The following SCRT2 variants were observed in gnomAD, a reference collection of about 807,000 sequenced individuals.
The protein encoded by SCRT2 is scratch family transcriptional repressor 2, also known as transcriptional repressor scratch 2.
In SCRT2, 2 loss-of-function variants were observed where a neutral mutation model predicts 3.7. That is an observed-to-expected ratio of 0.54 (90% CI 0.22 to 1.70). SCRT2 has a LOEUF of 1.70. Ranked by LOEUF, SCRT2 falls within the 40% of genes most tolerant of loss-of-function variation. SCRT2 has a pLI of 0.19. For missense variants in SCRT2, 456 were observed against 468.5 expected (o/e 0.97, Z 0.25); for synonymous variants, 256 against 220.6 (o/e 1.16, Z -1.42).
intron 1 of SCRT2, among the ~76,000 whole-genome samples, chr20:670,797 C>G (rs962622230): frequency 6.6e-6 from 1 of 152,172 alleles, no homozygotes; most frequent in African/African-American, 2.4e-5. Flanking sequence ...AAGCTCAGCT[C>G]AGGACCCTCA....
chr20:671,855 G>A (rs1984343199), intron 1 of SCRT2, among the ~76,000 whole-genome samples: 1 of 152,200 alleles, frequency 6.6e-6, no homozygotes, highest in Non-Finnish European at 1.5e-5. Context: ...GCAGAGGAAG[G>A]GGGGCCTGGC....
In SCRT2 at chr20:663,338, G is replaced by T. The variant is rs956494181; in HGVS notation, c.*333C>A. 3.5e-5 allele frequency: 11 copies of T among 312,638 alleles called. No individual in the cohort carries two copies. The Admixed American group carries it at 4.1e-4, about 12-fold the overall frequency. The allele number at this position is 312,638 out of a possible 1,614,324, so 19.4% of individuals were successfully genotyped here. The stretch of plus-strand genomic sequence containing the variant: ...CTAGAAGTTAGAAGAGCAGCGCGGG[G>T]TCTGGGAGGGAGAAATTTCCGGCTC... On this transcript the variant is annotated 3_prime_UTR_variant, in exon 2 of 2. Transcript: ENST00000246104. This position sits in a 1 kb window ranked among gnomAD's most constrained non-coding sequence, Gnocchi z 6.9.
intron 1 of SCRT2, among the ~76,000 whole-genome samples, chr20:669,266 G>T (rs1016535504): frequency 1.3e-5 from 2 of 152,122 alleles, no homozygotes; most frequent in African/African-American, 2.4e-5. Flanking sequence ...TTGGTGCAAG[G>T]CATCCTGCTA....
Position 675,722 on chromosome 20 carries a change from AG to A in SCRT2, c.-122del. The A allele has an allele frequency of 1.6e-6, 1 of 625,196 alleles. No homozygotes were observed. The highest frequency in any genetic ancestry group is 7.4e-5 in the South Asian group (1 of 13,492). The allele number at this position is 625,196 out of a possible 1,614,324, so 38.7% of individuals were successfully genotyped here. ...GGCTGGAGCGCGGGAGGCCGCTCGG[AG>A]CCGGCACCGGTGGCGGCGGCCCCGG... On this transcript the variant is annotated 5_prime_UTR_variant, in exon 1 of 2. Coordinates refer to ENST00000246104, the MANE Select transcript of SCRT2 (RefSeq NM_033129.4). The surrounding 1 kb of genome is among the most constrained non-coding windows in gnomAD (Gnocchi z 6.9).
chr20:665,058 T>C lies in SCRT2; in HGVS notation c.134-597A>G, dbSNP rs1984113014. ...ACTCTGCCTCGGTGCTTTACGCATG[T>C]TAACTCTAATCGTCACAGACCCAAG... On this transcript the variant is annotated intron_variant, in intron 1 of 1. Transcript: ENST00000246104. The surrounding 1 kb of genome is among the most constrained non-coding windows in gnomAD (Gnocchi z 5.0). 6.6e-6 allele frequency among the ~76,000 whole-genome samples: 1 copy of C among 152,250 alleles called. No homozygotes were observed. The highest frequency in any genetic ancestry group is 1.5e-5 in the Non-Finnish European group (1 of 68,038).
chr20:673,454 A>C (rs951853809), intron 1 of SCRT2, among the ~76,000 whole-genome samples: 4 of 152,212 alleles, frequency 2.6e-5, no homozygotes, highest in Non-Finnish European at 5.9e-5. Context: ...AGCATGTGAG[A>C]GATCTAGAGC....
chr20:664,000 G>C lies in SCRT2; in HGVS notation c.595C>G (p.Pro199Ala). ...PTCGKAYVSM[P>A]ALAMHLLTHN... is the part of the protein sequence containing the mutation. Reference sequence around the variant, plus strand: ...GTGAGCAGGTGCATGGCGAGCGCGGGCATGGACACGTAGGCCTTGCCGCAC... The same window carrying C: ...GTGAGCAGGTGCATGGCGAGCGCGGCCATGGACACGTAGGCCTTGCCGCAC... The change falls in exon 2 of 2, where the codon CCC becomes GCC. Residue 199 changes from proline (P) to alanine (A), a missense_variant. Pro to Ala is a conservative substitution (Grantham distance 27). This residue lies in a region of SCRT2 where 306 missense variants were observed against 305.3 expected (regional missense o/e 1.00). Coordinates refer to ENST00000246104, the MANE Select transcript of SCRT2 (RefSeq NM_033129.4). The surrounding 1 kb of genome is among the most constrained non-coding windows in gnomAD (Gnocchi z 6.9). The C allele has an allele frequency of 6.2e-7, 1 of 1,611,662 alleles. No homozygotes were observed. The highest frequency in any genetic ancestry group is 8.5e-7 in the Non-Finnish European group (1 of 1,179,638).
At chr20:673,817 G>A (rs1459686054) in intron 1 of SCRT2, among the ~76,000 whole-genome samples, 1 of 152,152 alleles carries the variant, frequency 6.6e-6, no homozygotes, top group Non-Finnish European at 1.5e-5. Flanking sequence ...GGACCAACGG[G>A]GCTTCAGGGG....
In SCRT2 at chr20:675,705, C is replaced by G. The variant is rs904210900; in HGVS notation, c.-104G>C. 2.8e-4 allele frequency: 228 copies of G among 826,700 alleles called. No individual in the cohort carries two copies. The highest frequency in any genetic ancestry group is 3.4e-4 in the Non-Finnish European group (218 of 632,850). 51.2% of individuals were successfully genotyped at this position (826,700 alleles called of 1,614,324 possible). ...CTGGACAGCTCCCAGCGGGCTGGAG[C>G]GCGGGAGGCCGCTCGGAGCCGGCAC... On this transcript the variant is annotated 5_prime_UTR_variant, in exon 1 of 2. Coordinates refer to ENST00000246104, the MANE Select transcript of SCRT2 (RefSeq NM_033129.4). This position sits in a 1 kb window ranked among gnomAD's most constrained non-coding sequence, Gnocchi z 6.9.
chr20:664,122 G>C lies in SCRT2; in HGVS notation c.473C>G (p.Ala158Gly). The C allele has an allele frequency of 6.5e-7, 1 of 1,526,780 alleles. No homozygotes were observed. Among genetic ancestry groups the C allele is most frequent in the Non-Finnish European group, 8.8e-7 (1 of 1,137,290 alleles). The allele number at this position is 1,526,780 out of a possible 1,614,324, so 94.6% of individuals were successfully genotyped here. Reference protein sequence around the residue: ...QAGGGHRHACAECGKTYATSS... With the variant: ...QAGGGHRHACGECGKTYATSS... ...CGTGGCGTAGGTCTTGCCGCACTCG[G>C]CGCACGCGTGCCGGTGCCCGCCGCC... The change falls in exon 2 of 2, where the codon GCC becomes GGC. Residue 158 changes from alanine (A) to glycine (G), a missense_variant. By Grantham distance (60) the Ala-to-Gly change is moderately conservative. This residue lies in a region of SCRT2 where 306 missense variants were observed against 305.3 expected (regional missense o/e 1.00). Transcript: ENST00000246104. The surrounding 1 kb of genome is among the most constrained non-coding windows in gnomAD (Gnocchi z 7.9).
At position 663,583 on chromosome 20, in the gene SCRT2, C is replaced by T; in HGVS notation, c.*88G>A. 3 of 1,218,416 alleles carry T rather than the reference C, an allele frequency of 2.5e-6. No homozygotes were observed. Among genetic ancestry groups the T allele is most frequent in the East Asian group, 3.3e-5 (1 of 30,104 alleles). The allele number at this position is 1,218,416 out of a possible 1,614,324, so 75.5% of individuals were successfully genotyped here. On this transcript the variant is annotated 3_prime_UTR_variant, in exon 2 of 2. Coordinates refer to ENST00000246104, the MANE Select transcript of SCRT2 (RefSeq NM_033129.4). The surrounding 1 kb of genome is among the most constrained non-coding windows in gnomAD (Gnocchi z 6.9). Reference sequence around the variant, plus strand: ...AGGGTCATGGGCAGGGAAACGCAGCCGGGGCTGGGCGAGGGCGCTGCGGGC... The same window carrying T: ...AGGGTCATGGGCAGGGAAACGCAGCTGGGGCTGGGCGAGGGCGCTGCGGGC...
At chr20:672,206 C>T (rs1984355057) in intron 1 of SCRT2, among the ~76,000 whole-genome samples, 1 of 152,102 alleles carries the variant, frequency 6.6e-6, no homozygotes, top group African/African-American at 2.4e-5. Flanking sequence ...AGATCTATTC[C>T]CACTTATCAG....
rs752127643 is a variant in SCRT2, at chr20:664,388, G to A, written c.207C>T (p.Ala69=). ...GCGCCGCCGGCGGGTACGCGGGCTC[G>A]GCCGGGGCCAGCTCCAGGCCCGGCT... ...DQKPGLELAP[A]EPAYPPAAPE... Residue 69 remains alanine (A), a synonymous_variant, in exon 2 of 2, where the codon GCC becomes GCT. Transcript: ENST00000246104. This position sits in a 1 kb window ranked among gnomAD's most constrained non-coding sequence, Gnocchi z 7.9. The A allele has an allele frequency of 2.8e-6, 4 of 1,409,990 alleles. No individual in the cohort carries two copies. The East Asian group carries it at 8.7e-5, about 31-fold the overall frequency. The allele number at this position is 1,409,990 out of a possible 1,614,324, so 87.3% of individuals were successfully genotyped here. A position where few individuals can be genotyped will look rare whatever the true frequency, so the allele number is the denominator to read the frequency against.
At chr20:670,317 C>T (rs1984291563) in intron 1 of SCRT2, among the ~76,000 whole-genome samples, 1 of 152,184 alleles carries the variant, frequency 6.6e-6, no homozygotes, top group Non-Finnish European at 1.5e-5. Context: ...CCCCCGGCCT[C>T]CTACTTTCTG....
intron 1 of SCRT2, among the ~76,000 whole-genome samples, chr20:674,812 G>A (rs1029608146): frequency 6.6e-6 from 1 of 152,028 alleles, no homozygotes; most frequent in African/African-American, 2.4e-5. Flanking sequence ...TGGGGAAGGA[G>A]TGCAATCCAG....
rs1984480989 is a variant in SCRT2 at position 675,001 on chromosome 20, G to GCGCCCCCAGC, written c.133+458_133+467dup. Among the ~76,000 whole-genome samples, 1 of 152,026 alleles carries GCGCCCCCAGC rather than the reference G, an allele frequency of 6.6e-6. No individual in the cohort carries two copies. Among genetic ancestry groups the GCGCCCCCAGC allele is most frequent in the Admixed American group, 6.5e-5 (1 of 15,272 alleles). ...GGGAGCAGGTTTGAAGGGAGGGAGG[G>GCGCCCCCAGC]CGCCCCCAGCCACCCCCAGGGAACC... On this transcript the variant is annotated intron_variant, in intron 1 of 1. Coordinates refer to ENST00000246104, the MANE Select transcript of SCRT2 (RefSeq NM_033129.4). The surrounding 1 kb of genome is among the most constrained non-coding windows in gnomAD (Gnocchi z 6.9).
At chr20:674,215 G>A (rs554192896) in intron 1 of SCRT2, among the ~76,000 whole-genome samples, 22 of 152,132 alleles carry the variant, frequency 1.4e-4, no homozygotes, top group Admixed American at 4.6e-4. Context: ...ACCTGGTGTG[G>A]CAGAGTGATG....
In SCRT2 at chr20:667,450, C is replaced by A. The variant is rs1984190209; in HGVS notation, c.134-2989G>T. On this transcript the variant is annotated intron_variant, in intron 1 of 1. Coordinates refer to ENST00000246104, the MANE Select transcript of SCRT2 (RefSeq NM_033129.4). This position sits in a 1 kb window ranked among gnomAD's most constrained non-coding sequence, Gnocchi z 4.4. ...GCAGCTTTCTTGGCATCTGCCCCAACACATCGTGCTGCTCCTCTCTGGGCC... is the reference window on the plus strand; with the variant it reads ...GCAGCTTTCTTGGCATCTGCCCCAAAACATCGTGCTGCTCCTCTCTGGGCC... Among the ~76,000 whole-genome samples the A allele has an allele frequency of 6.6e-6, 1 of 152,232 alleles. No individual in the cohort carries two copies. Among genetic ancestry groups the A allele is most frequent in the Non-Finnish European group, 1.5e-5 (1 of 68,042 alleles).
chr20:674,795 C>T (rs966654466), intron 1 of SCRT2, among the ~76,000 whole-genome samples: 6 of 150,588 alleles, frequency 4.0e-5, no homozygotes, highest in African/African-American at 1.5e-4. Context: ...GGTTGAGAAG[C>T]TGGGGATGGG....
Sources: allele counts gnomAD v4.1 joint callset (sites outside exome capture counted in the v4.1 genomes callset), GRCh38; gene constraint gnomAD v4.1.1; regional missense constraint gnomAD v4.1.1; non-coding constraint Gnocchi (gnomAD v3.1); transcripts MANE v1.5; gene names NCBI Gene and HGNC (gene_info 2026-07-23, HGNC 2026-07-21).